The following STAM variants were observed in gnomAD, a reference collection of about 807,000 sequenced individuals.
The protein encoded by STAM is signal transducing adapter molecule 1.
In STAM, 16 loss-of-function variants were observed where a neutral mutation model predicts 63.4. That is an observed-to-expected ratio of 0.25 (90% CI 0.17 to 0.38). The LOEUF is 0.38. STAM is among the 10% of genes least tolerant of loss of function. The pLI is 1.00. For synonymous variants in STAM, 238 were observed against 223.9 expected (o/e 1.06, Z -0.56); for missense variants, 636 against 657.1 (o/e 0.97, Z 0.35).
chr10:17,709,542 A>G (rs1316704906), intron 13 of STAM, among the ~76,000 whole-genome samples: 3 of 152,196 alleles, frequency 2.0e-5, no homozygotes, highest in Non-Finnish European at 2.9e-5. Context: ...GCTGTCTGTC[A>G]TGTAGTTAAA....
chr10:17,671,458 A>T (rs568354494), intron 2 of STAM, among the ~76,000 whole-genome samples: 1 of 152,322 alleles, frequency 6.6e-6, no homozygotes, highest in South Asian at 2.1e-4. Flanking sequence ...TCTTTTACAG[A>T]TGAGGTCTGT....
chr10:17,675,526 C>T (rs1554824560), intron 2 of STAM, among the ~76,000 whole-genome samples: 1 of 150,686 alleles, frequency 6.6e-6, no homozygotes, highest in Admixed American at 6.6e-5. Context: ...AAGATAGTAG[C>T]GTTTTCTGAA....
At chr10:17,705,888 T>A (rs1434808384) in intron 12 of STAM, 147 bp downstream of exon 12, 12 of 586,888 alleles carry the variant, frequency 2.0e-5, no homozygotes, top group Non-Finnish European at 3.0e-5. Flanking sequence ...GGTAACATAG[T>A]GAGACTCTGT....
intron 13 of STAM, among the ~76,000 whole-genome samples, chr10:17,713,972 C>G (rs1056643944): frequency 2.6e-4 from 39 of 152,140 alleles, no homozygotes; most frequent in Non-Finnish European, 8.8e-5. Context: ...CCCCTGCGGC[C>G]CCCTCTGCCG....
At chr10:17,648,056 C>T (rs1833586540) in intron 1 of STAM, among the ~76,000 whole-genome samples, 1 of 152,222 alleles carries the variant, frequency 6.6e-6, no homozygotes, top group Non-Finnish European at 1.5e-5. Flanking sequence ...GCTCCAATGT[C>T]TAGGAGTATC....
At chr10:17,686,128 A>G (rs1415103172) in intron 4 of STAM, among the ~76,000 whole-genome samples, 1 of 152,146 alleles carries the variant, frequency 6.6e-6, no homozygotes, top group African/African-American at 2.4e-5. Flanking sequence ...TGCAGTTAAT[A>G]TTTATTTTCT....
chr10:17,700,821 C>G (rs1554828318), intron 9 of STAM, among the ~76,000 whole-genome samples: 2 of 152,140 alleles, frequency 1.3e-5, no homozygotes, highest in Non-Finnish European at 2.9e-5. Flanking sequence ...CACTCATTGA[C>G]TATCTATTGA....
chr10:17,656,815 A>G (rs1554822206), intron 1 of STAM, among the ~76,000 whole-genome samples: 1 of 152,182 alleles, frequency 6.6e-6, no homozygotes, highest in African/African-American at 2.4e-5. Flanking sequence ...CAGGAGTGGA[A>G]GTTTATTAAA....
At chr10:17,657,423 A>G (rs1270590154) in intron 1 of STAM, among the ~76,000 whole-genome samples, 2 of 152,100 alleles carry the variant, frequency 1.3e-5, no homozygotes, top group African/African-American at 4.8e-5. Flanking sequence ...ATTGGCCTAT[A>G]GTTTTCTTGT....
chr10:17,644,530 G>A (rs566643179), intron 1 of STAM, 151 bp downstream of exon 1: 2 of 922,336 alleles, frequency 2.2e-6, no homozygotes, highest in South Asian at 1.5e-5. Flanking sequence ...GCTGGGAGGA[G>A]GTTGAGGGCT....
chr10:17,662,434 C>T (rs1554822998), intron 2 of STAM, among the ~76,000 whole-genome samples: 2 of 152,158 alleles, frequency 1.3e-5, no homozygotes, highest in African/African-American at 4.8e-5. Flanking sequence ...ATGGTATGAT[C>T]CTCTGAATCC....
At chr10:17,694,875 G>T in intron 6 of STAM, 174 bp from the exon 7 acceptor site, 1 of 518,354 alleles carries the variant, frequency 1.9e-6, no homozygotes, top group Non-Finnish European at 3.2e-6. Context: ...ACTTTCAGTT[G>T]TGAATGAATG....
At chr10:17,700,625 T>C (rs1295377738) in intron 9 of STAM, among the ~76,000 whole-genome samples, 1 of 152,026 alleles carries the variant, frequency 6.6e-6, no homozygotes, top group Non-Finnish European at 1.5e-5. Context: ...TGTGTTTCTT[T>C]AGGGTAGATA....
intron 13 of STAM, among the ~76,000 whole-genome samples, chr10:17,714,060 T>C (rs1204140480): frequency 6.6e-6 from 1 of 152,188 alleles, no homozygotes; most frequent in Non-Finnish European, 1.5e-5. Flanking sequence ...TTACCTGAAA[T>C]GTACTTTCCT....
chr10:17,691,284 C>T (rs782750536), intron 5 of STAM, among the ~76,000 whole-genome samples: 139 of 152,144 alleles, frequency 9.1e-4, no homozygotes, highest in African/African-American at 3.2e-3. Context: ...TTTGGGAGGC[C>T]GAGGCGGGTG....
chr10:17,665,678 A>G (rs371678606), intron 2 of STAM, among the ~76,000 whole-genome samples: 7 of 151,976 alleles, frequency 4.6e-5, no homozygotes, highest in South Asian at 4.1e-4. Flanking sequence ...ACACATATAC[A>G]TAATTACTGA....
intron 2 of STAM, among the ~76,000 whole-genome samples, chr10:17,666,681 G>A (rs1447520743): frequency 6.6e-6 from 1 of 152,168 alleles, no homozygotes; most frequent in African/African-American, 2.4e-5. Flanking sequence ...ACAGGCATGA[G>A]CCACCCTGCC....
intron 2 of STAM, among the ~76,000 whole-genome samples, chr10:17,684,417 C>T (rs1229761669): frequency 6.6e-6 from 1 of 151,486 alleles, no homozygotes; most frequent in Non-Finnish European, 1.5e-5. Flanking sequence ...ATTTTATTTT[C>T]AAACCTTTTT....
intron 5 of STAM, among the ~76,000 whole-genome samples, chr10:17,690,106 A>T (rs936878684): frequency 2.0e-5 from 3 of 152,206 alleles, no homozygotes; most frequent in Non-Finnish European, 4.4e-5. Context: ...GGAAACTGAG[A>T]CTCAGAATGG....
Sources: allele counts gnomAD v4.1 joint callset (sites outside exome capture counted in the v4.1 genomes callset), GRCh38; gene constraint gnomAD v4.1.1; transcripts MANE v1.5; gene names NCBI Gene and HGNC (gene_info 2026-07-23, HGNC 2026-07-21).